MID1: variants seen among roughly 807,000 people sequenced by gnomAD.
MID1 encodes midline 1, also known as E3 ubiquitin-protein ligase Midline-1.
A neutral mutation model predicts 40.4 loss-of-function variants in MID1; 7 were observed. That is an observed-to-expected ratio of 0.17 (90% CI 0.10 to 0.33). The LOEUF is 0.33. MID1 is among the 10% of genes least tolerant of loss of function. The probability of loss-of-function intolerance (pLI) is 1.00; values close to 1 mark genes in which losing one functional copy is unlikely to be tolerated. For synonymous variants in MID1, 229 were observed against 221.2 expected, an observed-to-expected ratio of 1.04 and a Z score of -0.31; for missense variants, 367 against 558.5, an observed-to-expected ratio of 0.66 and a Z score of 3.46.
At chrX:10,580,188 G>GCCC (rs1354677080) in intron 1 of MID1, among the ~76,000 whole-genome samples, 1 of 93,210 alleles carries the variant, frequency 1.1e-5, no homozygotes, top group African/African-American at 4.2e-5. Context: ...TCAATCACAT[G>GCCC]CCCCCCCCCG....
chrX:10,547,572 C>CAAAAAAA (rs1171938473), intron 2 of MID1, among the ~76,000 whole-genome samples: 2 of 14,608 alleles, frequency 1.4e-4, no homozygotes, highest in African/African-American at 5.8e-4. Context: ...GACTCTGTCT[C>CAAAAAAA]AAAAAAAAAA....
chrX:10,758,483 C>CGTTTTTTTTTTTTTT (rs2043650475), intron 1 of MID1, among the ~76,000 whole-genome samples: 2 of 63,873 alleles, frequency 3.1e-5, no homozygotes, highest in African/African-American at 1.6e-4. Context: ...CTTTTCTTTC[C>CGTTTTTTTTTTTTTT]TTTTTTTTTT....
chrX:10,541,366 C>G (rs1023698768), intron 2 of MID1, among the ~76,000 whole-genome samples: 1 of 110,574 alleles, frequency 9.0e-6, no homozygotes, highest in Non-Finnish European at 1.9e-5. Context: ...CAGTAAATCA[C>G]AGCTGGTGAC....
chrX:10,648,609 C>T (rs1379922860), intron 1 of MID1, among the ~76,000 whole-genome samples: 1 of 111,693 alleles, frequency 9.0e-6, no homozygotes, highest in Non-Finnish European at 1.9e-5. Context: ...ATCGTAAGTC[C>T]ATAGTAAGGA....
chrX:10,580,216 G>A (rs1389553057), intron 1 of MID1, among the ~76,000 whole-genome samples: 11 of 76,305 alleles, frequency 1.4e-4, no homozygotes, highest in African/African-American at 6.0e-4. Flanking sequence ...CTTTCAACCA[G>A]TGATCTGCTT....
chrX:10,573,531 C>A (rs1393749938), intron 1 of MID1, among the ~76,000 whole-genome samples: 1 of 112,338 alleles, frequency 8.9e-6, no homozygotes, highest in African/African-American at 3.2e-5. Context: ...ACATCTCCCA[C>A]TAGGCCCCTC....
In MID1 at chrX:10,458,864, C is replaced by T. The variant is rs12852495; in HGVS notation, c.1447+782G>A. On this transcript the variant is annotated intron_variant, in intron 8 of 9. Coordinates refer to ENST00000317552, the MANE Select transcript of MID1 (RefSeq NM_000381.4). ...GCAACCTCACAACATGGCGCCATAC[C>T]GACACACTCCAATTTGCTTTCTCTT... 2.4e-3 allele frequency among the ~76,000 whole-genome samples: 270 copies of T among 111,454 alleles called. 1 individual carries two copies. The highest frequency in any genetic ancestry group is 4.9e-3 in the Admixed American group (52 of 10,513).
intron 1 of MID1, among the ~76,000 whole-genome samples, chrX:10,777,285 C>T (rs2043809690): frequency 9.1e-6 from 1 of 110,426 alleles, no homozygotes; most frequent in African/African-American, 3.3e-5. Context: ...TGCAAGTCCG[C>T]CTCCCAGGTT....
chrX:10,811,961 T>A (rs991677330), intron 1 of MID1, among the ~76,000 whole-genome samples: 7 of 112,116 alleles, frequency 6.2e-5, no homozygotes, highest in African/African-American at 2.3e-4. Context: ...GGTAAGAAGG[T>A]TTTTTTGTTA....
In MID1 at chrX:10,746,979, A is replaced by G. The variant is rs190027058; in HGVS notation, c.-187+86575T>C. Among the ~76,000 whole-genome samples, 78 of 108,170 alleles carry G rather than the reference A, an allele frequency of 7.2e-4. No homozygotes were observed. The East Asian group carries it at 0.015, about 20-fold the overall frequency. 93.9% of individuals were successfully genotyped at this position (108,170 alleles called of 115,157 possible). ...CAGACAAGACAAAATTTACTAAATG[A>G]AAATAGCGTGAGTTGCTATGGAGAA... On this transcript the variant is annotated intron_variant, in intron 1 of 10. Coordinates refer to the MID1 transcript ENST00000380785.
chrX:10,609,814 T>C (rs1249391679), intron 1 of MID1, among the ~76,000 whole-genome samples: 2 of 104,206 alleles, frequency 1.9e-5, no homozygotes, highest in Non-Finnish European at 3.9e-5. Flanking sequence ...GCCTCGCGGG[T>C]TCACGCCATT....
chrX:10,589,846 C>G lies in MID1; in HGVS notation c.-56-22243G>C, dbSNP rs1298583852. On this transcript the variant is annotated intron_variant, in intron 1 of 9. Transcript: ENST00000317552. Reference sequence around the variant, plus strand: ...TCACCTCGCTTCCTGGTCAGGGAACCAAGAAATGTAGCAAGACAAGCCGCA... The same window carrying G: ...TCACCTCGCTTCCTGGTCAGGGAACGAAGAAATGTAGCAAGACAAGCCGCA... 2.7e-5 allele frequency: 3 copies of G among 109,791 alleles called. No individual in the cohort carries two copies. In the Admixed American group the frequency reaches 2.9e-4, roughly 11 times the overall value. The allele number at this position is 109,791 out of a possible 1,213,427, so 9.0% of individuals were successfully genotyped here.
intron 2 of MID1, among the ~76,000 whole-genome samples, chrX:10,544,940 T>TTTTG (rs746377561): frequency 5.4e-5 from 6 of 112,085 alleles, no homozygotes; most frequent in Admixed American, 3.8e-4. Flanking sequence ...GCTAAGTGTT[T>TTTTG]TTTGTTTGTT....
chrX:10,611,249 T>C (rs1935731893), intron 1 of MID1, among the ~76,000 whole-genome samples: 1 of 112,410 alleles, frequency 8.9e-6, no homozygotes, highest in Admixed American at 9.4e-5. Context: ...ACTCACACTC[T>C]TTGAAGATTA....
intron 3 of MID1, among the ~76,000 whole-genome samples, chrX:10,498,976 G>A (rs1005183962): frequency 4.5e-5 from 5 of 111,959 alleles, no homozygotes; most frequent in Non-Finnish European, 9.4e-5. Flanking sequence ...GGGTGGAATT[G>A]CTGGGTCACA....
At chrX:10,634,683 G>A (rs1344664374) in intron 1 of MID1, among the ~76,000 whole-genome samples, 1 of 112,088 alleles carries the variant, frequency 8.9e-6, no homozygotes, top group Non-Finnish European at 1.9e-5. Flanking sequence ...CATTTGACGT[G>A]CCGTGTTCAA....
intron 1 of MID1, among the ~76,000 whole-genome samples, chrX:10,664,496 A>G (rs909017140): frequency 5.4e-5 from 6 of 111,995 alleles, no homozygotes; most frequent in African/African-American, 2.0e-4. Context: ...TTATCCATTC[A>G]TCCACTGATA....
chrX:10,632,233 T>G (rs1936060350), intron 1 of MID1, among the ~76,000 whole-genome samples: 1 of 111,654 alleles, frequency 9.0e-6, no homozygotes, highest in Admixed American at 9.5e-5. Flanking sequence ...ATTCTAACCC[T>G]CATATGTCTA....
chrX:10,523,822 C>A (rs1253809839), intron 2 of MID1, among the ~76,000 whole-genome samples: 1 of 111,972 alleles, frequency 8.9e-6, no homozygotes, highest in East Asian at 2.8e-4. Context: ...TGAACATGTA[C>A]AGACTTTTTT....
Sources: allele counts gnomAD v4.1 joint callset (sites outside exome capture counted in the v4.1 genomes callset), GRCh38; gene constraint gnomAD v4.1.1; transcripts MANE v1.5; gene names NCBI Gene and HGNC (gene_info 2026-07-23, HGNC 2026-07-21).